Variants in RALGPS1 observed in about 807,000 individuals in gnomAD.
RALGPS1 encodes ras-specific guanine nucleotide-releasing factor RalGPS1.
In RALGPS1, 19 loss-of-function variants were observed where a neutral mutation model predicts 78.8. That is an observed-to-expected ratio of 0.24 (90% CI 0.17 to 0.35). The LOEUF is 0.35. Ranked by LOEUF, RALGPS1 falls within the 10% of genes least tolerant of loss-of-function variation. RALGPS1 has a pLI of 1.00. For synonymous variants in RALGPS1, 228 were observed against 256.3 expected, an observed-to-expected ratio of 0.89 and a Z score of 1.06; for missense variants, 454 against 688.3, an observed-to-expected ratio of 0.66 and a Z score of 3.81.
chr9:127,178,020 C>T (rs559571660), intron 11 of RALGPS1: 33 of 1,519,900 alleles, frequency 2.2e-5, no homozygotes, highest in African/African-American at 6.9e-5. Flanking sequence ...TAAAGCATGG[C>T]GAGGCACCCA....
chr9:126,990,711 G>A lies in RALGPS1; in HGVS notation c.216+12966G>A, dbSNP rs114352045. On this transcript the variant is annotated intron_variant, in intron 4 of 18. Transcript: ENST00000259351. ...CTCATAGCCGCCTCATACTTCTTAC[G>A]TATGGCACTTTGCACCCTCGTACTG... 4.7e-3 allele frequency among the ~76,000 whole-genome samples: 711 copies of A among 152,272 alleles called. 7 individuals carry two copies. The highest frequency in any genetic ancestry group is 0.016 in the African/African-American group (681 of 41,552).
rs926249402 is a variant in RALGPS1 at position 127,211,106 on chromosome 9, G to C, written c.1248-1025G>C. 2.0e-5 allele frequency among the ~76,000 whole-genome samples: 3 copies of C among 152,246 alleles called. No homozygotes were observed. Among genetic ancestry groups the C allele is most frequent in the African/African-American group, 4.8e-5 (2 of 41,466 alleles). On this transcript the variant is annotated intron_variant, in intron 14 of 18. Coordinates refer to ENST00000259351, the MANE Select transcript of RALGPS1 (RefSeq NM_014636.3). This position sits in a 1 kb window ranked among gnomAD's most constrained non-coding sequence, Gnocchi z 5.0. ...CATGGGCTATGAGGCAGGAAGAGCTGGGTGATTCGAGTGAAGGGAAGGGAG... is the reference window on the plus strand; with the variant it reads ...CATGGGCTATGAGGCAGGAAGAGCTCGGTGATTCGAGTGAAGGGAAGGGAG...
intron 4 of RALGPS1, among the ~76,000 whole-genome samples, chr9:127,004,206 C>T (rs1016922116): frequency 1.3e-5 from 2 of 152,112 alleles, no homozygotes; most frequent in Non-Finnish European, 2.9e-5. Context: ...AGCGCAATGG[C>T]GTGATCTCAG....
At chr9:127,048,700 G>A (rs914714804) in intron 5 of RALGPS1, among the ~76,000 whole-genome samples, 4 of 152,208 alleles carry the variant, frequency 2.6e-5, no homozygotes, top group African/African-American at 9.6e-5. Context: ...ACTTGAGTGT[G>A]ATAATATGCC....
intron 5 of RALGPS1, among the ~76,000 whole-genome samples, chr9:127,045,251 A>C (rs1380595252): frequency 6.6e-6 from 1 of 152,240 alleles, no homozygotes; most frequent in Non-Finnish European, 1.5e-5. Flanking sequence ...GTTACGTATA[A>C]TATTACAAAA....
chr9:127,028,754 A>G (rs1163848910), intron 4 of RALGPS1, among the ~76,000 whole-genome samples: 1 of 152,184 alleles, frequency 6.6e-6, no homozygotes, highest in Non-Finnish European at 1.5e-5. Context: ...GGCCCATTCA[A>G]TTCCTATAAC....
intron 4 of RALGPS1, among the ~76,000 whole-genome samples, chr9:127,027,654 G>A (rs1356687862): frequency 2.6e-5 from 4 of 152,174 alleles, no homozygotes; most frequent in Non-Finnish European, 5.9e-5. Context: ...GACCAGATGC[G>A]TATTCTCCCC....
At chr9:127,046,214 A>C (rs557397370) in intron 5 of RALGPS1, among the ~76,000 whole-genome samples, 2 of 152,352 alleles carry the variant, frequency 1.3e-5, no homozygotes, top group African/African-American at 4.8e-5. Flanking sequence ...CAAATCTCTC[A>C]TGCAGAAAAT....
At chr9:126,950,442 A>G (rs994816082) in intron 1 of RALGPS1, among the ~76,000 whole-genome samples, 12 of 152,336 alleles carry the variant, frequency 7.9e-5, no homozygotes, top group African/African-American at 1.4e-4. Flanking sequence ...CTTCCTACCC[A>G]TGAGCATGGA....
intron 3 of RALGPS1, 25 bp downstream of exon 3, chr9:126,965,976 G>A: frequency 6.3e-7 from 1 of 1,575,738 alleles, no homozygotes; most frequent in East Asian, 2.2e-5. Flanking sequence ...GCTGGTGTGG[G>A]TGGCTGGGCA....
intron 7 of RALGPS1, among the ~76,000 whole-genome samples, chr9:127,062,161 G>C (rs376363933): frequency 5.3e-5 from 8 of 152,120 alleles, no homozygotes; most frequent in Admixed American, 3.3e-4. Context: ...GCAGTGGCGC[G>C]ATCTTGACTC....
At chr9:126,998,462 A>C (rs2042979464) in intron 4 of RALGPS1, among the ~76,000 whole-genome samples, 1 of 152,240 alleles carries the variant, frequency 6.6e-6, no homozygotes, top group African/African-American at 2.4e-5. Context: ...CAAAACCACA[A>C]TGAGATACCA....
In RALGPS1 at chr9:127,009,282, G is replaced by T. The variant is rs1588991815; in HGVS notation, c.217-25149G>T. On this transcript the variant is annotated intron_variant, in intron 4 of 18. Coordinates refer to ENST00000259351, the MANE Select transcript of RALGPS1 (RefSeq NM_014636.3). ...TCCCAGCCTCTTCCAGCTTTCCCCT[G>T]AACGACTCTTTGTTCCCCCCTCATC... 2.0e-5 allele frequency among the ~76,000 whole-genome samples: 3 copies of T among 152,110 alleles called. No individual in the cohort carries two copies. In the South Asian group the frequency reaches 6.2e-4, roughly 32 times the overall value.
chr9:126,953,821 TGTTA>T (rs1274722615), intron 1 of RALGPS1, among the ~76,000 whole-genome samples: 3 of 152,166 alleles, frequency 2.0e-5, no homozygotes, highest in African/African-American at 7.2e-5. Flanking sequence ...TATATTGTGG[TGTTA>T]GTTCCATCTG....
chr9:127,092,485 G>A (rs1834780886), intron 8 of RALGPS1, among the ~76,000 whole-genome samples: 1 of 152,116 alleles, frequency 6.6e-6, no homozygotes, highest in African/African-American at 2.4e-5. Flanking sequence ...GGGGTCAGCA[G>A]CTGAGTTACG....
intron 4 of RALGPS1, among the ~76,000 whole-genome samples, chr9:127,022,712 T>C (rs902190980): frequency 6.6e-6 from 1 of 152,144 alleles, no homozygotes; most frequent in African/African-American, 2.4e-5. Flanking sequence ...CACTTCCTTC[T>C]GCCTGGGACC....
At chr9:126,963,796 C>T (rs1486175269) in intron 2 of RALGPS1, among the ~76,000 whole-genome samples, 1 of 152,194 alleles carries the variant, frequency 6.6e-6, no homozygotes, top group East Asian at 1.9e-4. Flanking sequence ...CCCTGACTCT[C>T]GAGCCGGTGC....
intron 4 of RALGPS1, among the ~76,000 whole-genome samples, chr9:126,994,537 AC>A (rs1382170337): frequency 6.6e-6 from 1 of 152,200 alleles, no homozygotes; most frequent in Admixed American, 6.5e-5. Flanking sequence ...ATGTGAAAAG[AC>A]CAAATCTACG....
chr9:127,201,031 T>TTCC (rs1477860390), intron 14 of RALGPS1, among the ~76,000 whole-genome samples: 1 of 152,250 alleles, frequency 6.6e-6, no homozygotes. Flanking sequence ...GCAGATATAG[T>TTCC]TCCTGCTAAG....
Sources: gnomAD v4.1 joint callset for allele counts (sites outside exome capture counted in the v4.1 genomes callset) on GRCh38, gnomAD v4.1.1 for gene constraint, Gnocchi (gnomAD v3.1) non-coding constraint, MANE v1.5 for transcripts, NCBI Gene and HGNC (gene_info 2026-07-23, HGNC 2026-07-21) for gene names.